RPA3: variants seen among roughly 807,000 people sequenced by gnomAD.
RPA3 encodes the protein replication protein A3.
A neutral mutation model predicts 13.7 loss-of-function variants in RPA3; 24 were observed. That is an observed-to-expected ratio of 1.75 (90% CI 1.27 to 2.46). The LOEUF (loss-of-function observed/expected upper bound fraction) is 2.46, where lower values mean the gene tolerates loss of function less well. RPA3 is among the 30% of genes most tolerant of loss of function. The pLI is 0.00. For synonymous variants in RPA3, 59 were observed against 51.2 expected (o/e 1.15, Z -0.65); for missense variants, 183 against 151.0 (o/e 1.21, Z -1.11).
At chr7:7,698,837 G>C (rs914749663) in intron 2 of RPA3, among the ~76,000 whole-genome samples, 10 of 150,558 alleles carry the variant, frequency 6.6e-5, no homozygotes, top group Non-Finnish European at 1.3e-4. Flanking sequence ...ATTTCTGGCT[G>C]TGGATTTCGT....
At chr7:7,649,237 A>T (rs1225375932) in intron 4 of RPA3, among the ~76,000 whole-genome samples, 1 of 151,966 alleles carries the variant, frequency 6.6e-6, no homozygotes, top group East Asian at 1.9e-4. Context: ...AGAGGCTTGG[A>T]TGTCCAAGGT....
chr7:7,640,506 G>A lies in RPA3; in HGVS notation c.-88C>T, dbSNP rs1784942662. 3 of 1,217,790 alleles carry A rather than the reference G, an allele frequency of 2.5e-6. No homozygotes were observed. The highest frequency in any genetic ancestry group is 2.4e-5 in the East Asian group (1 of 42,324). The allele number at this position is 1,217,790 out of a possible 1,614,324, so 75.4% of individuals were successfully genotyped here. A position where few individuals can be genotyped will look rare whatever the true frequency, so the allele number is the denominator to read the frequency against. On this transcript the variant is annotated 5_prime_UTR_variant, in exon 5 of 8. Coordinates refer to ENST00000223129, the MANE Select transcript of RPA3 (RefSeq NM_002947.5). ...GGGTGTCTATGGGGCAGATTTCTCG[G>A]CACCAATCAGCGAAGACTAGCGCTC...
chr7:7,640,412 C>T lies in RPA3; in HGVS notation c.7G>A (p.Asp3Asn). The stretch of plus-strand genomic sequence containing the variant: ...CGCGACCTGGGCAAGTCCATCATGT[C>T]CACCATGATTATGGTCCAAGACTGC... MV[D>N]MMDLPRSRIN... Residue 3 changes from aspartate (D) to asparagine (N), a missense_variant, in exon 5 of 8, where the codon GAC (aspartate) becomes AAC (asparagine). Physicochemically the swap from Asp to Asn is conservative, Grantham distance 23. Transcript: ENST00000223129. 6.2e-7 allele frequency: 1 copy of T among 1,613,814 alleles called. No homozygotes were observed. The highest frequency in any genetic ancestry group is 1.1e-5 in the South Asian group (1 of 91,086).
chr7:7,661,588 G>C (rs1426322984), intron 4 of RPA3, among the ~76,000 whole-genome samples: 4 of 152,178 alleles, frequency 2.6e-5, no homozygotes, highest in Non-Finnish European at 5.9e-5. Context: ...GCTGAAGTTT[G>C]CTGGAGGTCC....
At chr7:7,670,220 A>G (rs1779572131) in intron 4 of RPA3, among the ~76,000 whole-genome samples, 1 of 152,200 alleles carries the variant, frequency 6.6e-6, no homozygotes, top group Admixed American at 6.5e-5. Context: ...TATTAAAACT[A>G]CTTTTGTGAT....
chr7:7,675,198 A>T (rs1025976452), intron 4 of RPA3, among the ~76,000 whole-genome samples: 58 of 152,252 alleles, frequency 3.8e-4, no homozygotes, highest in African/African-American at 1.2e-3. Flanking sequence ...AGAAATTGAC[A>T]TTATTCTTTT....
At chr7:7,685,372 C>G (rs1199066682) in intron 4 of RPA3, among the ~76,000 whole-genome samples, 1 of 149,316 alleles carries the variant, frequency 6.7e-6, no homozygotes, top group Non-Finnish European at 1.5e-5. Context: ...TGCAGTGGTG[C>G]CATCTCAGCT....
chr7:7,641,389 C>CCCCGAGT (rs1784970583), intron 4 of RPA3: 1 of 152,058 alleles, frequency 6.6e-6, no homozygotes, highest in South Asian at 2.1e-4. Flanking sequence ...GTTCCCCGAG[C>CCCCGAGT]TAGGGTTCTC....
At chr7:7,707,044 G>A (rs9648617) in intron 2 of RPA3, among the ~76,000 whole-genome samples, 7,760 of 152,150 alleles carry the variant, frequency 0.051, 249 homozygotes, top group Middle Eastern at 0.12. Context: ...ACTGTGTCAG[G>A]ACACTAATTA....
chr7:7,711,862 C>A (rs192686852), intron 2 of RPA3, among the ~76,000 whole-genome samples: 34 of 152,030 alleles, frequency 2.2e-4, no homozygotes, highest in South Asian at 1.5e-3. Flanking sequence ...TTAAAAAGTC[C>A]CTTCTTGGAG....
rs749156741 is a variant in RPA3 at position 7,640,462 on chromosome 7, C to T, written c.-44G>A. ...CGGCTGGCGGGAAACCCACGGACGACTGAAACTGTGCGCCCCGCGGGTGTC... is the reference window on the plus strand; with the variant it reads ...CGGCTGGCGGGAAACCCACGGACGATTGAAACTGTGCGCCCCGCGGGTGTC... On this transcript the variant is annotated 5_prime_UTR_variant, in exon 5 of 8. Transcript: ENST00000223129. The T allele has an allele frequency of 1.9e-6, 3 of 1,581,940 alleles. No homozygotes were observed. In the South Asian group the frequency reaches 3.3e-5, roughly 17 times the overall value.
At chr7:7,690,536 T>A (rs1371145749) in intron 2 of RPA3, among the ~76,000 whole-genome samples, 1 of 152,188 alleles carries the variant, frequency 6.6e-6, no homozygotes, top group East Asian at 1.9e-4. Flanking sequence ...TGCAGTTTTT[T>A]AATATTTTGC....
intron 5 of RPA3, chr7:7,640,044 T>C (rs1317356328): frequency 4.4e-6 from 2 of 457,552 alleles, no homozygotes; most frequent in Non-Finnish European, 7.9e-6. Flanking sequence ...GGGAGTGGTG[T>C]TTATAATTTC....
chr7:7,648,892 C>T (rs1212081218), intron 4 of RPA3, among the ~76,000 whole-genome samples: 1 of 151,694 alleles, frequency 6.6e-6, no homozygotes, highest in Non-Finnish European at 1.5e-5. Context: ...GGCGCGGTCG[C>T]TCACACTTGT....
chr7:7,641,040 T>C lies in RPA3; in HGVS notation c.-622A>G, dbSNP rs1583682429. 6.5e-6 allele frequency: 1 copy of C among 152,886 alleles called. No individual in the cohort carries two copies. Among genetic ancestry groups the C allele is most frequent in the African/African-American group, 2.4e-5 (1 of 41,568 alleles). The allele number at this position is 152,886 out of a possible 1,614,324, so 9.5% of individuals were successfully genotyped here. On this transcript the variant is annotated 5_prime_UTR_variant, in exon 5 of 8. Coordinates refer to ENST00000223129, the MANE Select transcript of RPA3 (RefSeq NM_002947.5). The stretch of plus-strand genomic sequence containing the variant: ...GATACGTGGTGTGGCGTCGGGGTTG[T>C]GATACCCGCCCCCTTGGAGATGGGC...
At chr7:7,653,854 G>C (rs1281226371) in intron 4 of RPA3, among the ~76,000 whole-genome samples, 1 of 152,320 alleles carries the variant, frequency 6.6e-6, no homozygotes, top group Non-Finnish European at 1.5e-5. Flanking sequence ...AAGGCACTTA[G>C]TGGGTTAAAG....
chr7:7,691,461 G>A (rs28912723), intron 2 of RPA3, among the ~76,000 whole-genome samples: 1 of 152,112 alleles, frequency 6.6e-6, no homozygotes, highest in Non-Finnish European at 1.5e-5. Flanking sequence ...TAAAATATCA[G>A]TATTTACTAC....
chr7:7,689,680 A>G (rs1780127738), intron 2 of RPA3, among the ~76,000 whole-genome samples: 1 of 152,202 alleles, frequency 6.6e-6, no homozygotes, highest in Non-Finnish European at 1.5e-5. Flanking sequence ...GTGTCTATAT[A>G]GAAGACATTT....
chr7:7,639,150 A>G lies in RPA3; in HGVS notation c.100-6T>C, dbSNP rs1276431561. 1 of 1,604,436 alleles carries G rather than the reference A, an allele frequency of 6.2e-7. No homozygotes were observed. Among genetic ancestry groups the G allele is most frequent in the Non-Finnish European group, 8.5e-7 (1 of 1,175,064 alleles). ...ATTTTTCCGGTGGGATGAATCTAAA[A>G]ACGAAACATATAATTAAAATCTCAC... On this transcript the variant is annotated splice_polypyrimidine_tract_variant and splice_region_variant and intron_variant, in intron 5 of 7. Transcript: ENST00000223129.
Sources: allele counts gnomAD v4.1 joint callset (sites outside exome capture counted in the v4.1 genomes callset), GRCh38; gene constraint gnomAD v4.1.1; transcripts MANE v1.5; gene names NCBI Gene and HGNC (gene_info 2026-07-23, HGNC 2026-07-21).